The following SMC5 variants were observed in gnomAD, a reference collection of about 807,000 sequenced individuals.
SMC5 encodes structural maintenance of chromosomes protein 5.
Under a neutral mutation model 148.3 loss-of-function variants are expected in SMC5, and 88 were observed. The observed-to-expected ratio is 0.59, with a 90% CI of 0.50 to 0.71. The LOEUF (loss-of-function observed/expected upper bound fraction) is 0.71, where lower values mean the gene tolerates loss of function less well. Ranked by LOEUF, SMC5 falls within the 30% of genes least tolerant of loss-of-function variation. SMC5 has a pLI of 0.00. For missense variants in SMC5, 1,142 were observed against 1,298.9 expected, an observed-to-expected ratio of 0.88 and a Z score of 1.86; for synonymous variants, 421 against 432.8, an observed-to-expected ratio of 0.97 and a Z score of 0.34.
intron 17 of SMC5, 104 bp downstream of exon 17, chr9:70,324,247 C>A: frequency 2.5e-6 from 3 of 1,180,308 alleles, no homozygotes; most frequent in Non-Finnish European, 3.5e-6. Context: ...TTGTTTTATG[C>A]TATTTAACTT....
chr9:70,298,036 A>G lies in SMC5; in HGVS notation c.1124A>G (p.Asn375Ser). 1 of 1,614,036 alleles carries G rather than the reference A, an allele frequency of 6.2e-7. No homozygotes were observed. The highest frequency in any genetic ancestry group is 8.5e-7 in the Non-Finnish European group (1 of 1,179,932). Residue 375 changes from asparagine (N) to serine (S), a missense_variant, in exon 9 of 25, where the codon AAT becomes AGT. By Grantham distance (46) the Asn-to-Ser change is conservative. Around this residue, in one of 5 missense-constraint regions of SMC5, gnomAD observed 743 missense variants for 835.7 expected, o/e 0.89. Coordinates refer to ENST00000361138, the MANE Select transcript of SMC5 (RefSeq NM_015110.4). ...EELDRQRRIG[N>S]TRKMIEDLQN... ...CTTGACCGACAGAGGAGAATAGGTAATACCCGCAAAATGATAGAGGATTTG... is the reference window on the plus strand; with the variant it reads ...CTTGACCGACAGAGGAGAATAGGTAGTACCCGCAAAATGATAGAGGATTTG...
chr9:70,281,026 C>T, intron 6 of SMC5, 127 bp downstream of exon 6: 1 of 954,800 alleles, frequency 1.0e-6, no homozygotes, highest in East Asian at 2.7e-5. Context: ...ATATGTTATA[C>T]ATAATAAAAT....
intron 7 of SMC5, among the ~76,000 whole-genome samples, chr9:70,283,749 C>T (rs1053326145): frequency 3.9e-5 from 6 of 152,034 alleles, no homozygotes; most frequent in African/African-American, 1.2e-4. Flanking sequence ...ATGATTTCTG[C>T]TATTGAAAGA....
rs894111524 is a variant in SMC5, at chr9:70,279,689, C to T, written c.678+1064C>T. On this transcript the variant is annotated intron_variant, in intron 5 of 24. Transcript: ENST00000361138. ...AAAATTAGCCGGGTGTGATGGTGGG[C>T]GCCTGTAATCCCAGCTACTTGGGAG... is the stretch of plus-strand genomic sequence containing the variant. Among the ~76,000 whole-genome samples, 15 of 151,810 alleles carry T rather than the reference C, an allele frequency of 9.9e-5. No individual in the cohort carries two copies. The East Asian group carries it at 2.1e-3, about 22-fold the overall frequency.
At chr9:70,295,386 G>A (rs905176479) in intron 8 of SMC5, among the ~76,000 whole-genome samples, 32 of 150,876 alleles carry the variant, frequency 2.1e-4, no homozygotes, top group African/African-American at 7.8e-4. Flanking sequence ...CAGGAGAATG[G>A]CTTGAACCCA....
At chr9:70,297,391 C>T (rs1171772879) in intron 8 of SMC5, among the ~76,000 whole-genome samples, 2 of 152,158 alleles carry the variant, frequency 1.3e-5, no homozygotes, top group Admixed American at 6.5e-5. Flanking sequence ...TAAATACTTA[C>T]TCACACATAA....
At chr9:70,273,257 C>T (rs1276564275) in intron 3 of SMC5, among the ~76,000 whole-genome samples, 4 of 148,804 alleles carry the variant, frequency 2.7e-5, no homozygotes, top group East Asian at 2.0e-4. Context: ...TTATAGTAAT[C>T]GGTTGCTTAG....
Position 70,307,589 on chromosome 9 carries a change from G to A in SMC5, c.1578+2229G>A, listed in dbSNP as rs1244286217. 2.6e-5 allele frequency among the ~76,000 whole-genome samples: 4 copies of A among 151,876 alleles called. No individual in the cohort carries two copies. In the East Asian group the frequency reaches 5.8e-4, roughly 22 times the overall value. ...ACGCTCTTGGCTCACTGCAACCTCC[G>A]CTTCCCAGGTTCAAGCAATTCCCCT... On this transcript the variant is annotated intron_variant, in intron 11 of 24. Transcript: ENST00000361138.
At chr9:70,273,388 A>G (rs1587624615) in intron 3 of SMC5, among the ~76,000 whole-genome samples, 1 of 152,072 alleles carries the variant, frequency 6.6e-6, no homozygotes, top group East Asian at 1.9e-4. Flanking sequence ...TTTACTATAT[A>G]TATTATTTTA....
Position 70,281,898 on chromosome 9 carries a change from T to A in SMC5, c.820-524T>A, listed in dbSNP as rs746981137. 4.2e-4 allele frequency among the ~76,000 whole-genome samples: 64 copies of A among 152,164 alleles called. 1 individual carries two copies. Among genetic ancestry groups the A allele is most frequent in the Middle Eastern group, 6.8e-3 (2 of 294 alleles). On this transcript the variant is annotated intron_variant, in intron 6 of 24. Transcript: ENST00000361138. ...CTTATATGTTTATTTTTTCTTTTCT[T>A]ACCATCATCCCATTCACTCTTATAT...
chr9:70,267,641 G>A (rs1020823580), intron 2 of SMC5, among the ~76,000 whole-genome samples: 1 of 152,114 alleles, frequency 6.6e-6, no homozygotes, highest in Non-Finnish European at 1.5e-5. Flanking sequence ...GGTTCAGATC[G>A]TTTTTCTGGC....
Position 70,277,349 on chromosome 9 carries a change from T to C in SMC5, c.420T>C (p.Ile140=), listed in dbSNP as rs2034620252. 6.2e-7 allele frequency: 1 copy of C among 1,601,808 alleles called. No homozygotes were observed. Among genetic ancestry groups the C allele is most frequent in the Non-Finnish European group, 8.5e-7 (1 of 1,174,106 alleles). Residue 140 remains isoleucine, a synonymous_variant, in exon 4 of 25, where the codon ATT becomes ATC. Coordinates refer to ENST00000361138, the MANE Select transcript of SMC5 (RefSeq NM_015110.4). The part of the protein sequence containing the change: ...ASGNLVITRE[I]DVAKNQSFWF... ...GAAATCTTGTAATCACCCGTGAGAT[T>C]GATGTGGCAAAAAATCAGTCCTTTT...
intron 18 of SMC5, 158 bp downstream of exon 18, chr9:70,344,427 A>C (rs2036610609): frequency 3.3e-6 from 1 of 303,628 alleles, no homozygotes. Flanking sequence ...TATATATAAA[A>C]TAATGTTGCT....
intron 3 of SMC5, among the ~76,000 whole-genome samples, chr9:70,274,348 T>C (rs1233030584): frequency 6.6e-6 from 1 of 152,216 alleles, no homozygotes; most frequent in Non-Finnish European, 1.5e-5. Context: ...CCCAAAGTGC[T>C]GGGATTACAG....
At chr9:70,326,913 A>G (rs1360923967) in intron 17 of SMC5, among the ~76,000 whole-genome samples, 28 of 152,134 alleles carry the variant, frequency 1.8e-4, no homozygotes, top group Non-Finnish European at 5.9e-5. Flanking sequence ...TAATGTTAAT[A>G]TTTGTAATGT....
In SMC5 at chr9:70,342,246, G is replaced by C. The variant is rs1479782733; in HGVS notation, c.2398-1898G>C. Among the ~76,000 whole-genome samples the C allele has an allele frequency of 4.6e-3, 539 of 116,376 alleles. 8 individuals carry two copies. The highest frequency in any genetic ancestry group is 0.017 in the African/African-American group (510 of 30,870). 76.3% of individuals were successfully genotyped at this position (116,376 alleles called of 152,430 possible). A position where few individuals can be genotyped will look rare whatever the true frequency, so the allele number is the denominator to read the frequency against. ...ACAGTCTGGGGACTGTTGTGGGGTG[G>C]GGGGAGGGGGGAGGGATAGCATTGG... On this transcript the variant is annotated intron_variant, in intron 17 of 24. Transcript: ENST00000361138.
intron 13 of SMC5, among the ~76,000 whole-genome samples, chr9:70,317,474 C>A (rs1244333850): frequency 6.6e-6 from 1 of 152,128 alleles, no homozygotes; most frequent in East Asian, 1.9e-4. Flanking sequence ...AGGCTAAAGT[C>A]ATCCAGTCTA....
intron 5 of SMC5, among the ~76,000 whole-genome samples, chr9:70,280,489 C>G (rs1379334355): frequency 6.6e-6 from 1 of 152,210 alleles, no homozygotes; most frequent in African/African-American, 2.4e-5. Context: ...AGCCTGGGCT[C>G]AGATGTGACA....
chr9:70,335,991 A>G (rs988746392), intron 17 of SMC5, among the ~76,000 whole-genome samples: 3 of 152,110 alleles, frequency 2.0e-5, no homozygotes, highest in Admixed American at 2.0e-4. Context: ...CCCTTGCTGT[A>G]TTTGTTGTAG....
Sources: allele counts gnomAD v4.1 joint callset (sites outside exome capture counted in the v4.1 genomes callset), GRCh38; gene constraint gnomAD v4.1.1; regional missense constraint gnomAD v4.1.1; transcripts MANE v1.5; gene names NCBI Gene and HGNC (gene_info 2026-07-23, HGNC 2026-07-21).